Variants in WT1 observed in about 807,000 individuals in gnomAD.
WT1 encodes WT1 transcription factor, also known as Wilms tumor protein.
In WT1, 8 loss-of-function variants were observed where a neutral mutation model predicts 60.8. That is an observed-to-expected ratio of 0.13 (90% CI 0.08 to 0.24). The LOEUF is 0.24. Among genes scored for constraint, WT1 ranks in the 10% least tolerant of loss-of-function variants. WT1 has a pLI of 1.00. For missense variants in WT1, 568 were observed against 711.8 expected (o/e 0.80, Z 2.30); for synonymous variants, 312 against 297.1 (o/e 1.05, Z -0.52).
intron 3 of WT1, among the ~76,000 whole-genome samples, chr11:32,418,855 T>C (rs1048096460): frequency 1.1e-4 from 16 of 152,192 alleles, no homozygotes; most frequent in Non-Finnish European, 2.1e-4. Flanking sequence ...ATAATAACTC[T>C]GAAAATTATT....
At chr11:32,432,411 G>A (rs1339946548) in intron 1 of WT1, among the ~76,000 whole-genome samples, 3 of 152,216 alleles carry the variant, frequency 2.0e-5, no homozygotes, top group Non-Finnish European at 4.4e-5. Flanking sequence ...AGAATCTCGA[G>A]GGCCACCCTT....
intron 1 of WT1, chr11:32,430,418 AAGAG>A (rs1406320439): frequency 9.8e-6 from 13 of 1,320,880 alleles, no homozygotes; most frequent in Non-Finnish European, 1.2e-5. Flanking sequence ...GAGAGAGAGA[AAGAG>A]AGACAGACAC....
At chr11:32,398,895 G>A (rs1194153871) in intron 6 of WT1, among the ~76,000 whole-genome samples, 1 of 151,420 alleles carries the variant, frequency 6.6e-6, no homozygotes, top group Non-Finnish European at 1.5e-5. Context: ...AGTGGCTCAC[G>A]CCTGTAATCC....
intron 3 of WT1, among the ~76,000 whole-genome samples, chr11:32,418,906 T>C (rs1189731267): frequency 6.6e-6 from 1 of 152,192 alleles, no homozygotes; most frequent in Non-Finnish European, 1.5e-5. Context: ...AAGGAGGAAA[T>C]CAGATTCCAG....
chr11:32,416,822 A>G (rs768711335), intron 4 of WT1, among the ~76,000 whole-genome samples: 3 of 152,076 alleles, frequency 2.0e-5, no homozygotes, highest in Non-Finnish European at 4.4e-5. Context: ...TAACCCTCTG[A>G]GCTTGGTTTA....
chr11:32,412,364 A>G (rs1327904830), intron 5 of WT1, among the ~76,000 whole-genome samples: 5 of 152,230 alleles, frequency 3.3e-5, no homozygotes, highest in Admixed American at 2.6e-4. Flanking sequence ...GGACCAGCAA[A>G]GGGACATTCA....
chr11:32,389,211 G>C (rs1320853933), intron 9 of WT1, 32 bp from the exon 10 acceptor site: 2 of 1,613,608 alleles, frequency 1.2e-6, no homozygotes, highest in African/African-American at 2.7e-5. Flanking sequence ...AGAGACACTT[G>C]CAACAAAGAG....
chr11:32,428,545 T>C lies in WT1; in HGVS notation c.736A>G (p.Asn246Asp), dbSNP rs1285224919. The C allele has an allele frequency of 1.1e-5, 17 of 1,613,942 alleles. No homozygotes were observed. Among genetic ancestry groups the C allele is most frequent in the Non-Finnish European group, 1.4e-5 (16 of 1,180,028 alleles). The change falls in exon 2 of 10, where the codon AAC (asparagine) becomes GAC (aspartate). Residue 246 changes from asparagine (N) to aspartate (D), a missense_variant. This residue lies in a region of WT1 where 523 missense variants were observed against 565.1 expected (regional missense o/e 0.93). Transcript: ENST00000452863. ...GGATCCTCATGCTTGAATGAGTGGT[T>C]GGGGAACTGCGCCGCATGGTGCGAG...
intron 8 of WT1, among the ~76,000 whole-genome samples, chr11:32,392,368 C>T (rs1851843266): frequency 1.3e-5 from 2 of 152,200 alleles, no homozygotes; most frequent in African/African-American, 4.8e-5. Flanking sequence ...TCACACGCTA[C>T]AAATTGGATT....
At chr11:32,415,494 C>T (rs1462494377) in intron 5 of WT1, among the ~76,000 whole-genome samples, 1 of 152,118 alleles carries the variant, frequency 6.6e-6, no homozygotes, top group African/African-American at 2.4e-5. Flanking sequence ...ACTAAAAATA[C>T]AAAATTAGCC....
intron 5 of WT1, among the ~76,000 whole-genome samples, chr11:32,404,268 CA>C (rs61611336): frequency 0.11 from 9,796 of 89,282 alleles, 630 homozygotes; most frequent in African/African-American, 0.28. Context: ...GACTCTGTCT[CA>C]AAAAAAAAAA....
In WT1 at chr11:32,435,530, C is replaced by G; in HGVS notation, c.-170G>C. 2 of 1,077,162 alleles carry G rather than the reference C, an allele frequency of 1.9e-6. No homozygotes were observed. Among genetic ancestry groups the G allele is most frequent in the Non-Finnish European group, 2.6e-6 (2 of 767,342 alleles). The allele number at this position is 1,077,162 out of a possible 1,614,324, so 66.7% of individuals were successfully genotyped here. On this transcript the variant is annotated 5_prime_UTR_variant, in exon 1 of 10. Transcript: ENST00000452863. ...TGGGCGCTGCCTTGAACTCCTTACC[C>G]CAGCTGCCTGGCTGCCCTCAGCTTC... is the stretch of plus-strand genomic sequence containing the variant.
rs535484680 is a variant in WT1, at chr11:32,417,152, C to T, written c.965+425G>A. ...CCCTGTTGGTGCAATCAGGTATGGG[C>T]GTATCTGACTGTGAATTGCCCAGAT... On this transcript the variant is annotated intron_variant, in intron 4 of 9. Coordinates refer to ENST00000452863, the MANE Select transcript of WT1 (RefSeq NM_024426.6). Among the ~76,000 whole-genome samples the T allele has an allele frequency of 4.6e-5, 7 of 152,200 alleles. No individual in the cohort carries two copies. The South Asian group carries it at 1.2e-3, about 27-fold the overall frequency.
chr11:32,428,405 T>C (rs1853135766), intron 2 of WT1, 92 bp downstream of exon 2: 1 of 1,595,764 alleles, frequency 6.3e-7, no homozygotes, highest in African/African-American at 1.3e-5. Context: ...TGTCCTCCTT[T>C]GCCTAATTTG....
chr11:32,428,737 G>A lies in WT1; in HGVS notation c.662-118C>T, dbSNP rs528120304. The A allele has an allele frequency of 1.3e-4, 191 of 1,495,148 alleles. 2 individuals carry two copies. In the South Asian group the frequency reaches 1.7e-3, roughly 14 times the overall value. 92.6% of individuals were successfully genotyped at this position (1,495,148 alleles called of 1,614,324 possible). A position where few individuals can be genotyped will look rare whatever the true frequency, so the allele number is the denominator to read the frequency against. On this transcript the variant is annotated intron_variant, in intron 1 of 9. Transcript: ENST00000452863. ...GCTGAACCCCGCATTCGGACCCCCA[G>A]CGGAGGAGAATCCAGCCCCACAAGC...
intron 9 of WT1, among the ~76,000 whole-genome samples, chr11:32,391,133 C>T (rs1851805389): frequency 6.6e-6 from 1 of 152,064 alleles, no homozygotes. Flanking sequence ...TATAGGTCCA[C>T]ACCACCATGC....
intron 1 of WT1, among the ~76,000 whole-genome samples, chr11:32,430,067 A>T (rs1283069512): frequency 6.6e-6 from 1 of 151,098 alleles, no homozygotes; most frequent in Non-Finnish European, 1.5e-5. Flanking sequence ...AGTGCAAGGG[A>T]GGGAAGGAGG....
At chr11:32,421,938 A>T (rs886879107) in intron 3 of WT1, among the ~76,000 whole-genome samples, 6 of 152,220 alleles carry the variant, frequency 3.9e-5, no homozygotes, top group African/African-American at 1.4e-4. Flanking sequence ...AGAAGTAAAG[A>T]GCTGCCCCCA....
rs1181747930 is a variant in WT1, at chr11:32,410,564, TG to T, written c.1016+5925del. 3.9e-5 allele frequency among the ~76,000 whole-genome samples: 6 copies of T among 152,352 alleles called. No homozygotes were observed. In the East Asian group the frequency reaches 9.6e-4, roughly 25 times the overall value. ...CTGAAGATATAAATACACCTCAAAA[TG>T]TTTTTTTAAACAGTTATCTCTGGGT... is the stretch of plus-strand genomic sequence containing the variant. On this transcript the variant is annotated intron_variant, in intron 5 of 9. Transcript: ENST00000452863.
Sources: allele counts gnomAD v4.1 joint callset (sites outside exome capture counted in the v4.1 genomes callset), GRCh38; gene constraint gnomAD v4.1.1; regional missense constraint gnomAD v4.1.1; transcripts MANE v1.5; gene names NCBI Gene and HGNC (gene_info 2026-07-23, HGNC 2026-07-21).